UBA5: variants seen among roughly 807,000 people sequenced by gnomAD.
UBA5 encodes ubiquitin-like modifier-activating enzyme 5.
UBA5 carries 28 observed loss-of-function variants against 52.9 expected under a neutral mutation model. That is an observed-to-expected ratio of 0.53 (90% CI 0.39 to 0.73). The LOEUF (loss-of-function observed/expected upper bound fraction) is 0.73. UBA5 is among the 30% of genes least tolerant of loss of function. UBA5 has a pLI of 0.00. For missense variants in UBA5, 388 were observed against 492.7 expected (o/e 0.79, Z 2.01); for synonymous variants, 135 against 162.1 (o/e 0.83, Z 1.27).
At chr3:132,666,211 G>T in intron 3 of UBA5, 138 bp downstream of exon 3, 1 of 672,470 alleles carries the variant, frequency 1.5e-6, no homozygotes, top group Admixed American at 2.5e-5. Flanking sequence ...TTTCTACTCG[G>T]GTTGAGACAT....
upstream of UBA5, among the ~76,000 whole-genome samples, chr3:132,657,070 T>G (rs149150750): frequency 6.9e-4 from 105 of 152,328 alleles, 1 homozygote; most frequent in African/African-American, 2.0e-3. Flanking sequence ...GTCTTTAAAA[T>G]ATTTTCTTCT....
Position 132,666,159 on chromosome 3 carries a change from C to T in UBA5, c.297+86C>T, listed in dbSNP as rs1406948972. ...TACAAGTTAGGATTTTTTTTCTTTA[C>T]CAGTGGCTTATTGACTTGCAGTGTA... On this transcript the variant is annotated intron_variant, in intron 3 of 11. Transcript: ENST00000356232. 4 of 1,136,666 alleles carry T rather than the reference C, an allele frequency of 3.5e-6. No homozygotes were observed. In the African/African-American group the frequency reaches 6.2e-5, roughly 17 times the overall value. 70.4% of individuals were successfully genotyped at this position (1,136,666 alleles called of 1,614,324 possible). A position where few individuals can be genotyped will look rare whatever the true frequency, so the allele number is the denominator to read the frequency against.
upstream of UBA5, among the ~76,000 whole-genome samples, chr3:132,656,486 T>C (rs1937809050): frequency 6.9e-6 from 1 of 144,676 alleles, no homozygotes; most frequent in African/African-American, 2.7e-5. Context: ...TGATGCTTGA[T>C]ATTGTCAGAT....
At chr3:132,674,795 T>C (rs1938760577) in intron 8 of UBA5, among the ~76,000 whole-genome samples, 1 of 152,224 alleles carries the variant, frequency 6.6e-6, no homozygotes, top group African/African-American at 2.4e-5. Flanking sequence ...CAAAATTTTA[T>C]TGAGCTATAC....
At position 132,666,057 on chromosome 3, in the gene UBA5, G is replaced by T; in HGVS notation, c.281G>T (p.Arg94Ile). The change falls in exon 3 of 12, where the codon AGA (arginine) becomes ATA (isoleucine). Residue 94 changes from arginine (R) to isoleucine (I), a missense_variant. Arg to Ile is a moderately conservative substitution (Grantham distance 97). Transcript: ENST00000356232. ...AGTGTGACTGCTGAAATGCTGACAAGATGTGGCATTGGTAAGGTAAAAACA... is the reference window on the plus strand; with the variant it reads ...AGTGTGACTGCTGAAATGCTGACAATATGTGGCATTGGTAAGGTAAAAACA... ...VGSVTAEMLTRCGIGKLLLFD... is the reference protein window; with the variant it reads ...VGSVTAEMLTICGIGKLLLFD... 6.2e-7 allele frequency: 1 copy of T among 1,613,416 alleles called. No homozygotes were observed. Among genetic ancestry groups the T allele is most frequent in the Non-Finnish European group, 8.5e-7 (1 of 1,179,420 alleles).
chr3:132,669,070 G>A, intron 4 of UBA5, 143 bp downstream of exon 4: 4 of 564,886 alleles, frequency 7.1e-6, no homozygotes, highest in Non-Finnish European at 1.2e-5. Context: ...TGTTGGACAT[G>A]GGTTGGCAAA....
intron 1 of UBA5, among the ~76,000 whole-genome samples, chr3:132,665,084 G>C (rs1938319173): frequency 6.6e-6 from 1 of 152,070 alleles, no homozygotes; most frequent in Non-Finnish European, 1.5e-5. Flanking sequence ...TTGGGAAGTT[G>C]GTGGGATGGA....
chr3:132,674,016 T>A (rs1938722891), intron 8 of UBA5, among the ~76,000 whole-genome samples: 1 of 152,222 alleles, frequency 6.6e-6, no homozygotes, highest in African/African-American at 2.4e-5. Context: ...AAATATTTAC[T>A]AAATTTCTCC....
chr3:132,672,226 CAT>C (rs1938636425), intron 8 of UBA5, 49 bp downstream of exon 8: 8 of 1,559,472 alleles, frequency 5.1e-6, no homozygotes, highest in Non-Finnish European at 6.9e-6. Context: ...TTTCAGTAAA[CAT>C]AAATATATTT....
At chr3:132,674,898 C>T (rs775225961) in intron 8 of UBA5, among the ~76,000 whole-genome samples, 1 of 152,162 alleles carries the variant, frequency 6.6e-6, no homozygotes, top group African/African-American at 2.4e-5. Context: ...AAATACACTT[C>T]TCCCACATTT....
At position 132,670,221 on chromosome 3, in the gene UBA5, T is replaced by G. The variant is rs1370875310; in HGVS notation, c.431T>G (p.Phe144Cys). The G allele has an allele frequency of 1.3e-6, 2 of 1,504,936 alleles. No homozygotes were observed. The highest frequency in any genetic ancestry group is 1.7e-5 in the Admixed American group (1 of 57,492). The allele number at this position is 1,504,936 out of a possible 1,614,324, so 93.2% of individuals were successfully genotyped here. A position where few individuals can be genotyped will look rare whatever the true frequency, so the allele number is the denominator to read the frequency against. The change falls in exon 5 of 12, where the codon TTT becomes TGT. Residue 144 changes from phenylalanine (F) to cysteine (C), a missense_variant. Physicochemically the swap from Phe to Cys is radical, Grantham distance 205. Around this residue, in one of 3 missense-constraint regions of UBA5, gnomAD observed 277 missense variants for 326.4 expected, o/e 0.85. Transcript: ENST00000356232. ...TLRNINPDVL[F>C]EVHNYNITTV... ...AGGAACATTAATCCTGATGTTCTTT[T>G]TGAAGTACACAACTATAATATAACC...
At chr3:132,667,134 C>G (rs1938409923) in intron 3 of UBA5, 1 of 152,168 alleles carries the variant, frequency 6.6e-6, no homozygotes, top group Admixed American at 6.5e-5. Context: ...TACTCCAAGT[C>G]TAGTCCCTGA....
intron 5 of UBA5, chr3:132,670,548 C>T (rs940404941): frequency 5.5e-5 from 14 of 254,122 alleles, no homozygotes; most frequent in Non-Finnish European, 8.8e-5. Flanking sequence ...ACTTTAAGTT[C>T]TGTGTTCTAG....
At chr3:132,674,066 C>G (rs1030485914) in intron 8 of UBA5, among the ~76,000 whole-genome samples, 2 of 152,174 alleles carry the variant, frequency 1.3e-5, no homozygotes, top group Non-Finnish European at 2.9e-5. Context: ...TTTAGGAGTA[C>G]CTGGTTCACC....
At chr3:132,666,210 G>A (rs1000196645) in intron 3 of UBA5, 137 bp downstream of exon 3, 91 of 677,340 alleles carry the variant, frequency 1.3e-4, no homozygotes, top group Non-Finnish European at 2.0e-4. Context: ...CTTTCTACTC[G>A]GGTTGAGACA....
chr3:132,671,744 T>A (rs773438827), intron 6 of UBA5, 33 bp from the exon 7 acceptor site: 1 of 1,518,352 alleles, frequency 6.6e-7, no homozygotes, highest in Admixed American at 2.0e-5. Flanking sequence ...TCTTTTATTT[T>A]TTTTCCTTAT....
At chr3:132,669,920 T>C (rs1938530516) in intron 4 of UBA5, among the ~76,000 whole-genome samples, 1 of 152,242 alleles carries the variant, frequency 6.6e-6, no homozygotes, top group African/African-American at 2.4e-5. Context: ...GGGTTTTCTT[T>C]GAATAGCTTG....
chr3:132,663,038 A>G (rs1938232784), intron 1 of UBA5, among the ~76,000 whole-genome samples: 1 of 152,204 alleles, frequency 6.6e-6, no homozygotes, highest in Non-Finnish European at 1.5e-5. Flanking sequence ...GTTCGTATTA[A>G]TAACTGATAG....
At position 132,661,159 on chromosome 3, in the gene UBA5, A is replaced by T. The variant is rs1576637399; in HGVS notation, c.161+461A>T. 3.4e-6 allele frequency: 3 copies of T among 892,504 alleles called. No homozygotes were observed. The East Asian group carries it at 1.9e-4, about 57-fold the overall frequency. The allele number at this position is 892,504 out of a possible 1,614,324, so 55.3% of individuals were successfully genotyped here. A position where few individuals can be genotyped will look rare whatever the true frequency, so the allele number is the denominator to read the frequency against. On this transcript the variant is annotated intron_variant, in intron 1 of 11. Coordinates refer to ENST00000356232, the MANE Select transcript of UBA5 (RefSeq NM_024818.6). Reference sequence around the variant, plus strand: ...ATATTCGGGTGCTCCTTAACATCTCAAACCATTCGACATTACCAAGACTGC... The same window carrying T: ...ATATTCGGGTGCTCCTTAACATCTCTAACCATTCGACATTACCAAGACTGC...
Sources: gnomAD v4.1 joint callset for allele counts (sites outside exome capture counted in the v4.1 genomes callset) on GRCh38, gnomAD v4.1.1 for gene constraint, gnomAD v4.1.1 regional missense constraint, MANE v1.5 for transcripts, NCBI Gene and HGNC (gene_info 2026-07-23, HGNC 2026-07-21) for gene names.